ATP10B: variants seen among roughly 807,000 people sequenced by gnomAD.
ATP10B encodes the protein ATPase phospholipid transporting 10B (putative), also known as phospholipid-transporting ATPase VB.
ATP10B carries 122 observed loss-of-function variants against 141.2 expected under a neutral mutation model. The observed-to-expected ratio is 0.86, with a 90% confidence interval of 0.75 to 1.00. ATP10B has a LOEUF of 1.00. ATP10B is among the 50% of genes least tolerant of loss of function. The pLI is 0.00. For missense variants in ATP10B, 1,876 were observed against 1,825.3 expected (o/e 1.03, Z -0.51); for synonymous variants, 685 against 692.0 (o/e 0.99, Z 0.16).
Position 160,612,936 on chromosome 5 carries a change from GA to G in ATP10B, c.2654-12del. On this transcript the variant is annotated splice_polypyrimidine_tract_variant and intron_variant, in intron 17 of 25. Transcript: ENST00000327245. ...CGATCCCAGTGGCTCCTGGAGTGAT[GA>G]AAAACAACAGAGTTCACATTTATCG... 6.2e-7 allele frequency: 1 copy of G among 1,604,878 alleles called. No homozygotes were observed.
intron 24 of ATP10B, among the ~76,000 whole-genome samples, chr5:160,580,684 G>T (rs1445839522): frequency 6.6e-6 from 1 of 152,188 alleles, no homozygotes; most frequent in Non-Finnish European, 1.5e-5. Context: ...AAATGAGTTA[G>T]GGAGGAGTCC....
At chr5:160,861,745 G>A in the ATP10B span, among the ~76,000 whole-genome samples, 1 of 151,770 alleles carries the variant, frequency 6.6e-6, no homozygotes, top group South Asian at 2.1e-4. Context: ...ATACCTTTTC[G>A]AATCAGGGCT....
At chr5:160,903,542 G>A in the ATP10B span, among the ~76,000 whole-genome samples, 4 of 152,168 alleles carry the variant, frequency 2.6e-5, no homozygotes, top group African/African-American at 9.6e-5. Flanking sequence ...GCTTTATCCT[G>A]TTGCACAAAA....
the ATP10B span, among the ~76,000 whole-genome samples, chr5:160,895,167 T>C: frequency 6.6e-6 from 1 of 152,156 alleles, no homozygotes; most frequent in Non-Finnish European, 1.5e-5. Context: ...AATAAGCAGC[T>C]AGCATCATAA....
chr5:160,845,028 T>C (rs1421454709), intron 1 of ATP10B, among the ~76,000 whole-genome samples: 1 of 152,182 alleles, frequency 6.6e-6, no homozygotes, highest in African/African-American at 2.4e-5. Context: ...CTTATTTGTT[T>C]CATGTTGACT....
intron 13 of ATP10B, among the ~76,000 whole-genome samples, chr5:160,627,884 G>A (rs943600267): frequency 6.6e-6 from 1 of 152,238 alleles, no homozygotes; most frequent in Non-Finnish European, 1.5e-5. Flanking sequence ...ACACACAGAA[G>A]CTGCTAATCG....
intron 21 of ATP10B, among the ~76,000 whole-genome samples, chr5:160,601,034 A>T (rs1402203486): frequency 6.6e-6 from 1 of 151,992 alleles, no homozygotes; most frequent in Non-Finnish European, 1.5e-5. Flanking sequence ...TGCTTATTCA[A>T]AAGAATTATT....
At chr5:160,611,587 T>C (rs188009273) in intron 18 of ATP10B, among the ~76,000 whole-genome samples, 174 of 152,324 alleles carry the variant, frequency 1.1e-3, no homozygotes, top group African/African-American at 4.1e-3. Flanking sequence ...CCAATTCATC[T>C]AAAGGTCCTC....
At chr5:160,887,479 A>G in the ATP10B span, among the ~76,000 whole-genome samples, 1 of 152,146 alleles carries the variant, frequency 6.6e-6, no homozygotes, top group East Asian at 1.9e-4. Flanking sequence ...ATAAGCATAT[A>G]ATGACTAAAA....
chr5:160,638,184 C>T (rs1444436341), intron 10 of ATP10B, among the ~76,000 whole-genome samples: 2 of 152,178 alleles, frequency 1.3e-5, no homozygotes, highest in Admixed American at 6.5e-5. Context: ...TTTAATTAGG[C>T]ATCATCAGAG....
At chr5:160,704,314 C>T (rs1473436683) in intron 3 of ATP10B, among the ~76,000 whole-genome samples, 1 of 152,076 alleles carries the variant, frequency 6.6e-6, no homozygotes, top group Non-Finnish European at 1.5e-5. Context: ...GCCTCAGCTT[C>T]CCAAAGAGTT....
chr5:160,704,418 C>T (rs972255962), intron 3 of ATP10B, among the ~76,000 whole-genome samples: 12 of 152,104 alleles, frequency 7.9e-5, no homozygotes, highest in African/African-American at 2.9e-4. Context: ...GTCTCAACAG[C>T]AGGCCTAAAA....
chr5:160,782,592 A>C (rs1770796869), intron 2 of ATP10B, among the ~76,000 whole-genome samples: 1 of 152,074 alleles, frequency 6.6e-6, no homozygotes, highest in Non-Finnish European at 1.5e-5. Context: ...CTGACCTAGC[A>C]ATGACTCTTC....
chr5:160,573,891 C>A (rs1310953225), intron 24 of ATP10B, among the ~76,000 whole-genome samples: 1 of 152,124 alleles, frequency 6.6e-6, no homozygotes, highest in Admixed American at 6.5e-5. Flanking sequence ...AATATTTAGG[C>A]CCCCTTTTGG....
rs1581604092 is a variant in ATP10B at position 160,823,630 on chromosome 5, G to A, written c.-576+28311C>T. Among the ~76,000 whole-genome samples the A allele has an allele frequency of 2.0e-5, 3 of 152,252 alleles. No homozygotes were observed. The East Asian group carries it at 5.8e-4, about 30-fold the overall frequency. ...CCAACACTTTGGGAGGCCGAGGTGG[G>A]CAGATCATGAGGTCAGGAGATCGAG... On this transcript the variant is annotated intron_variant, in intron 1 of 25. Coordinates refer to ENST00000327245, the MANE Select transcript of ATP10B (RefSeq NM_025153.3).
At chr5:160,900,897 G>A in the ATP10B span, among the ~76,000 whole-genome samples, 1 of 146,054 alleles carries the variant, frequency 6.8e-6, no homozygotes, top group Non-Finnish European at 1.5e-5. Context: ...ATCCTTTTGG[G>A]GGGTAGAGAA....
At chr5:160,736,529 C>A (rs975954393) in intron 2 of ATP10B, among the ~76,000 whole-genome samples, 4 of 152,024 alleles carry the variant, frequency 2.6e-5, no homozygotes, top group Admixed American at 1.3e-4. Context: ...TTTGGGAGGC[C>A]AAGGCAGGAG....
chr5:160,783,433 G>T (rs1310274683), intron 2 of ATP10B, among the ~76,000 whole-genome samples: 8 of 77,644 alleles, frequency 1.0e-4, no homozygotes, highest in East Asian at 4.4e-4. Flanking sequence ...TCCATGGATA[G>T]ATATATCCAT....
intron 22 of ATP10B, among the ~76,000 whole-genome samples, chr5:160,597,122 C>T (rs1430082103): frequency 6.6e-6 from 1 of 152,082 alleles, no homozygotes; most frequent in Non-Finnish European, 1.5e-5. Context: ...GCTGGAGGCA[C>T]CACACTACCT....
Sources: gnomAD v4.1 joint callset for allele counts (sites outside exome capture counted in the v4.1 genomes callset) on GRCh38, gnomAD v4.1.1 for gene constraint, MANE v1.5 for transcripts, NCBI Gene and HGNC (gene_info 2026-07-23, HGNC 2026-07-21) for gene names.